The following ALDH1L2 variants were observed in gnomAD, a reference collection of about 807,000 sequenced individuals.
ALDH1L2 encodes aldehyde dehydrogenase 1 family member L2.
ALDH1L2 carries 91 observed loss-of-function variants against 111.0 expected under a neutral mutation model. That is an observed-to-expected ratio of 0.82 (90% CI 0.69 to 0.98). The LOEUF is 0.98. Ranked by LOEUF, ALDH1L2 falls within the 50% of genes least tolerant of loss-of-function variation. The pLI, the probability that ALDH1L2 is intolerant of heterozygous loss-of-function variation, is 0.00. For synonymous variants in ALDH1L2, 374 were observed against 392.6 expected (o/e 0.95, Z 0.56); for missense variants, 995 against 1,126.8 (o/e 0.88, Z 1.67).
Position 105,061,046 on chromosome 12 carries a change from A to G in ALDH1L2, c.1074T>C (p.Asn358=). Residue 358 remains asparagine, a synonymous_variant, in exon 9 of 23, where the codon AAT becomes AAC. Transcript: ENST00000258494. ...IKVIWAGILS[N]VPIIEDSTDF... ...CTGTTGAGTCTTCAATAATGGGGAC[A>G]TTGCTTAAAATTCCAGCCCAGATGA... 1 of 1,613,954 alleles carries G rather than the reference A, an allele frequency of 6.2e-7. No homozygotes were observed. Among genetic ancestry groups the G allele is most frequent in the South Asian group, 1.1e-5 (1 of 91,076 alleles).
intron 15 of ALDH1L2, among the ~76,000 whole-genome samples, chr12:105,043,172 A>AC (rs1437114991): frequency 5.4e-5 from 8 of 149,254 alleles, no homozygotes; most frequent in African/African-American, 2.0e-4. Context: ...AGCTCACAAG[A>AC]CCAAGAGGGT....
intron 10 of ALDH1L2, among the ~76,000 whole-genome samples, chr12:105,054,528 C>G (rs907260310): frequency 1.6e-4 from 24 of 152,186 alleles, no homozygotes; most frequent in African/African-American, 5.6e-4. Flanking sequence ...GAAAAGCCAA[C>G]TTCATTGCAA....
At chr12:105,041,987 T>G (rs1312014740) in intron 15 of ALDH1L2, among the ~76,000 whole-genome samples, 26 of 152,208 alleles carry the variant, frequency 1.7e-4, no homozygotes, top group Non-Finnish European at 4.4e-5. Context: ...AAGAATGGTA[T>G]TTTAGAAACC....
chr12:105,055,949 C>T (rs1876600009), intron 10 of ALDH1L2, among the ~76,000 whole-genome samples: 1 of 151,554 alleles, frequency 6.6e-6, no homozygotes. Flanking sequence ...AAAAGGAATC[C>T]CAGAAGGAGA....
intron 1 of ALDH1L2, among the ~76,000 whole-genome samples, chr12:105,075,968 T>C (rs1230951033): frequency 3.3e-5 from 5 of 152,086 alleles, no homozygotes; most frequent in Non-Finnish European, 7.3e-5. Flanking sequence ...GTATTTTTAG[T>C]AGAGACAGGG....
intron 1 of ALDH1L2, among the ~76,000 whole-genome samples, chr12:105,079,704 A>G (rs1458324041): frequency 6.7e-6 from 1 of 148,432 alleles, no homozygotes; most frequent in Non-Finnish European, 1.5e-5. Context: ...TTTTAATTAT[A>G]CATATTACAT....
At position 105,070,789 on chromosome 12, in the gene ALDH1L2, T is replaced by C; in HGVS notation, c.209A>G (p.Lys70Arg). The change falls in exon 3 of 23, where the codon AAA (lysine) becomes AGA (arginine). Residue 70 changes from lysine (K) to arginine (R), a missense_variant. Lys to Arg is a conservative substitution (Grantham distance 26, BLOSUM62 2). Transcript: ENST00000258494. ...KADPLALAAE[K>R]DGTPVFKLPK... The stretch of plus-strand genomic sequence containing the variant: ...AAGCTTGAACACAGGGGTCCCATCT[T>C]TCTCTGCAGCCAAAGCTGAGCATAA... 1 of 1,612,844 alleles carries C rather than the reference T, an allele frequency of 6.2e-7. No homozygotes were observed. The highest frequency in any genetic ancestry group is 2.2e-5 in the East Asian group (1 of 44,882).
chr12:105,027,349 C>T (rs1049670118), intron 21 of ALDH1L2, among the ~76,000 whole-genome samples: 4 of 152,250 alleles, frequency 2.6e-5, no homozygotes, highest in African/African-American at 9.6e-5. Context: ...ACTCCCTCCC[C>T]TCTCCCATGA....
Position 105,034,280 on chromosome 12 carries a change from T to G in ALDH1L2, c.2244+20A>C, listed in dbSNP as rs767406062. On this transcript the variant is annotated intron_variant, in intron 19 of 22. Transcript: ENST00000258494. ...AGCAAAATCTCTAAACAACTCAGAG[T>G]AAATGTGAAGGTGCCTCACCACTCT... The G allele has an allele frequency of 2.2e-5, 35 of 1,610,986 alleles. No individual in the cohort carries two copies. In the East Asian group the frequency reaches 7.8e-4, roughly 36 times the overall value.
At chr12:105,045,368 A>G (rs1875778908) in intron 15 of ALDH1L2, among the ~76,000 whole-genome samples, 1 of 152,204 alleles carries the variant, frequency 6.6e-6, no homozygotes, top group South Asian at 2.1e-4. Context: ...TATAGGTGTG[A>G]GCCACCTTGC....
At chr12:105,038,256 TCTCTCA>T (rs1189223863) in intron 17 of ALDH1L2, 54 bp from the exon 18 acceptor site, 65 of 760,132 alleles carry the variant, frequency 8.6e-5, no homozygotes, top group East Asian at 4.1e-4. Flanking sequence ...TCTCTCTCTC[TCTCTCA>T]CACACACACA....
chr12:105,038,056 C>G (rs367916720), intron 18 of ALDH1L2, 47 bp downstream of exon 18: 137 of 1,533,888 alleles, frequency 8.9e-5, no homozygotes, highest in Non-Finnish European at 1.1e-4. Flanking sequence ...CGTGAGCCAC[C>G]TCACCTGGCC....
At chr12:105,052,281 T>C (rs1876334673) in intron 11 of ALDH1L2, 64 bp from the exon 12 acceptor site, 3 of 1,445,734 alleles carry the variant, frequency 2.1e-6, no homozygotes, top group Non-Finnish European at 2.8e-6. Context: ...TTGGAATTAA[T>C]ATTGTATTAA....
intron 1 of ALDH1L2, among the ~76,000 whole-genome samples, chr12:105,081,457 G>A (rs1208853902): frequency 6.6e-6 from 1 of 152,148 alleles, no homozygotes; most frequent in Non-Finnish European, 1.5e-5. Flanking sequence ...CTTTGGACTG[G>A]ATCATAAGGT....
At chr12:105,026,335 T>C (rs144713316) in intron 22 of ALDH1L2, among the ~76,000 whole-genome samples, 16 of 152,252 alleles carry the variant, frequency 1.1e-4, no homozygotes, top group Non-Finnish European at 2.4e-4. Context: ...AAAAGAAATA[T>C]CTTTCCACAC....
rs1877521846 is a variant in ALDH1L2 at position 105,068,829 on chromosome 12, C to T, written c.484G>A (p.Gly162Ser). The T allele has an allele frequency of 6.2e-7, 1 of 1,604,522 alleles. No individual in the cohort carries two copies. Among genetic ancestry groups the T allele is most frequent in the Admixed American group, 1.7e-5 (1 of 58,208 alleles). Residue 162 changes from glycine to serine, a missense_variant, in exon 4 of 23, where the codon GGC becomes AGC. Transcript: ENST00000258494. The part of the protein sequence containing the change: ...AGFSVFWADD[G>S]LDTGPILLQR... ...AGAAGGATGGGTCCTGTATCCAAGCCATCATCAGCCCAGAAAACAGAAAAC... is the reference window on the plus strand; with the variant it reads ...AGAAGGATGGGTCCTGTATCCAAGCTATCATCAGCCCAGAAAACAGAAAAC...
intron 1 of ALDH1L2, among the ~76,000 whole-genome samples, chr12:105,081,031 A>T (rs1341739109): frequency 6.6e-6 from 1 of 152,246 alleles, no homozygotes; most frequent in Non-Finnish European, 1.5e-5. Context: ...TTATTTACAT[A>T]GCATCTACTT....
In ALDH1L2 at chr12:105,027,535, C is replaced by A. The variant is rs78231806; in HGVS notation, c.2517-791G>T. Among the ~76,000 whole-genome samples the A allele has an allele frequency of 1.4e-4, 22 of 152,298 alleles. No individual in the cohort carries two copies. The East Asian group carries it at 4.0e-3, about 28-fold the overall frequency. ...GTGAGAGGGCTCTGCAGCCAGACTG[C>A]CTGGTGACCTTGGGTAAATGACTCC... On this transcript the variant is annotated intron_variant, in intron 21 of 22. Coordinates refer to ENST00000258494, the MANE Select transcript of ALDH1L2 (RefSeq NM_001034173.4).
Position 105,065,328 on chromosome 12 carries a change from A to G in ALDH1L2, c.725T>C (p.Leu242Ser), listed in dbSNP as rs770259795. 3.1e-6 allele frequency: 5 copies of G among 1,611,104 alleles called. No homozygotes were observed. The highest frequency in any genetic ancestry group is 4.2e-6 in the Non-Finnish European group (5 of 1,177,816). ...ATCATGACCTCGAATCCAGTTATGT[A>G]AAACTTCGGCAGACTGGTCCCAAGA... ...EISWDQSAEVLHNWIRGHDKV... is the reference protein window; with the variant it reads ...EISWDQSAEVSHNWIRGHDKV... The change falls in exon 6 of 23, where the codon TTA (leucine) becomes TCA (serine). Residue 242 changes from leucine (L) to serine (S), a missense_variant. Leu to Ser is a moderately radical substitution (Grantham distance 145). Coordinates refer to ENST00000258494, the MANE Select transcript of ALDH1L2 (RefSeq NM_001034173.4).
Sources: gnomAD v4.1 joint callset for allele counts (sites outside exome capture counted in the v4.1 genomes callset) on GRCh38, gnomAD v4.1.1 for gene constraint, MANE v1.5 for transcripts, NCBI Gene and HGNC (gene_info 2026-07-23, HGNC 2026-07-21) for gene names.